Variants in MAPK8IP3 observed in about 807,000 individuals in gnomAD.
MAPK8IP3 encodes mitogen-activated protein kinase 8 interacting protein 3, also known as C-Jun-amino-terminal kinase-interacting protein 3.
In MAPK8IP3, 49 loss-of-function variants were observed where a neutral mutation model predicts 157.8. The observed-to-expected ratio is 0.31, with a 90% CI of 0.25 to 0.39. MAPK8IP3 has a LOEUF of 0.39. Among genes scored for constraint, MAPK8IP3 ranks in the 10% least tolerant of loss-of-function variants. MAPK8IP3 has a pLI of 1.00. For missense variants in MAPK8IP3, 1,478 were observed against 1,889.4 expected (o/e 0.78, Z 4.04); for synonymous variants, 897 against 777.7 (o/e 1.15, Z -2.55).
At chr16:1,744,608 G>A (rs1428034296) in intron 5 of MAPK8IP3, 2 of 985,456 alleles carry the variant, frequency 2.0e-6, no homozygotes, top group East Asian at 1.1e-4. Context: ...TCTGGCTCAC[G>A]CTTCCCGGGC....
chr16:1,712,484 C>T (rs2037855296), intron 1 of MAPK8IP3, among the ~76,000 whole-genome samples: 1 of 151,954 alleles, frequency 6.6e-6, no homozygotes, highest in Non-Finnish European at 1.5e-5. Flanking sequence ...CCAGAGAACC[C>T]TCACAAAGCA....
chr16:1,754,473 T>C (rs971110498), intron 8 of MAPK8IP3, among the ~76,000 whole-genome samples: 1 of 151,916 alleles, frequency 6.6e-6, no homozygotes, highest in African/African-American at 2.4e-5. Context: ...TAGCCAGATG[T>C]AGAAACTGTC....
At chr16:1,732,940 G>T (rs1454596184) in intron 4 of MAPK8IP3, among the ~76,000 whole-genome samples, 2 of 152,254 alleles carry the variant, frequency 1.3e-5, no homozygotes, top group Non-Finnish European at 2.9e-5. Flanking sequence ...TGAAAGCCTT[G>T]CAGGTGTTTC....
chr16:1,709,738 G>T (rs937119218), intron 1 of MAPK8IP3, among the ~76,000 whole-genome samples: 1 of 152,240 alleles, frequency 6.6e-6, no homozygotes, highest in Admixed American at 6.5e-5. Context: ...GAGGAGGGCC[G>T]GGCAGAGCCA....
Position 1,738,283 on chromosome 16 carries a change from ACCAT to A in MAPK8IP3, c.603-5044_603-5041del, listed in dbSNP as rs1312240767. On this transcript the variant is annotated intron_variant, in intron 4 of 31. Transcript: ENST00000610761. ...GCGTGTGACCGTCCGTGTGAGTGTG[ACCAT>A]CCATGTGAGCATCTGTGTGACCGTC... 8.7e-4 allele frequency among the ~76,000 whole-genome samples: 64 copies of A among 73,956 alleles called. 4 individuals carry two copies. Among genetic ancestry groups the A allele is most frequent in the South Asian group, 8.6e-4 (1 of 1,164 alleles). 48.5% of individuals were successfully genotyped at this position (73,956 alleles called of 152,430 possible). A position where few individuals can be genotyped will look rare whatever the true frequency, so the allele number is the denominator to read the frequency against.
intron 1 of MAPK8IP3, among the ~76,000 whole-genome samples, chr16:1,717,163 G>A (rs1468708770): frequency 2.0e-5 from 3 of 151,052 alleles, no homozygotes; most frequent in African/African-American, 4.9e-5. Context: ...TTGAACCCAG[G>A]AGGCGGAGGT....
At position 1,737,773 on chromosome 16, in the gene MAPK8IP3, TGA is replaced by T. The variant is rs199875037; in HGVS notation, c.603-5557_603-5556del. On this transcript the variant is annotated intron_variant, in intron 4 of 31. Coordinates refer to ENST00000610761, the MANE Select transcript of MAPK8IP3 (RefSeq NM_001318852.2). ...CCATCCGTGTGTGTGACCATCCGTG[TGA>T]GTGACCATCCATGTGAGCATCCATG... 4.1e-3 allele frequency among the ~76,000 whole-genome samples: 53 copies of T among 12,854 alleles called. 14 individuals carry two copies. In the East Asian group the frequency reaches 0.36, roughly 88 times the overall value. The allele number at this position is 12,854 out of a possible 152,430, so 8.4% of individuals were successfully genotyped here. A position where few individuals can be genotyped will look rare whatever the true frequency, so the allele number is the denominator to read the frequency against.
rs541676720 is a variant in MAPK8IP3, at chr16:1,765,409, C to T, written c.2446+231C>T. Among the ~76,000 whole-genome samples the T allele has an allele frequency of 3.3e-5, 5 of 152,344 alleles. No homozygotes were observed. The South Asian group carries it at 8.3e-4, about 25-fold the overall frequency. Reference sequence around the variant, plus strand: ...TTCTCCCTACCTACTCAGGACCCCACGCTTACCTGGTTAGAGGGTGACGGG... The same window carrying T: ...TTCTCCCTACCTACTCAGGACCCCATGCTTACCTGGTTAGAGGGTGACGGG... On this transcript the variant is annotated intron_variant, in intron 20 of 31. Transcript: ENST00000610761.
intron 20 of MAPK8IP3, among the ~76,000 whole-genome samples, chr16:1,765,418 G>A (rs1232915050): frequency 2.0e-5 from 3 of 152,230 alleles, no homozygotes; most frequent in African/African-American, 7.2e-5. Flanking sequence ...ACGCTTACCT[G>A]GTTAGAGGGT....
Position 1,766,259 on chromosome 16 carries a change from C to A in MAPK8IP3, c.2669C>A (p.Ser890Tyr). ...ATCGCCAACGGGAAGGTCAACCCGTCCCAGTCCACAGAGGAGGCCACAGAG... is the reference window on the plus strand; with the variant it reads ...ATCGCCAACGGGAAGGTCAACCCGTACCAGTCCACAGAGGAGGCCACAGAG... ...ATIANGKVNP[S>Y]QSTEEATEAT... Residue 890 changes from serine (S) to tyrosine (Y), a missense_variant, in exon 22 of 32, where the codon TCC becomes TAC. Transcript: ENST00000610761. 6.2e-7 allele frequency: 1 copy of A among 1,612,330 alleles called. No individual in the cohort carries two copies. Among genetic ancestry groups the A allele is most frequent in the Non-Finnish European group, 8.5e-7 (1 of 1,179,760 alleles).
At chr16:1,734,358 C>T (rs898652669) in intron 4 of MAPK8IP3, among the ~76,000 whole-genome samples, 2 of 152,240 alleles carry the variant, frequency 1.3e-5, no homozygotes, top group African/African-American at 4.8e-5. Context: ...GCATCACCAG[C>T]GCACGGAATC....
chr16:1,759,402 G>A (rs1375960536), intron 10 of MAPK8IP3, among the ~76,000 whole-genome samples: 2 of 152,204 alleles, frequency 1.3e-5, no homozygotes, highest in African/African-American at 4.8e-5. Context: ...GCAGGACCTT[G>A]GAGTTTCTTT....
chr16:1,756,942 C>T (rs1246890063), intron 8 of MAPK8IP3, among the ~76,000 whole-genome samples: 5 of 152,106 alleles, frequency 3.3e-5, no homozygotes, highest in African/African-American at 1.2e-4. Flanking sequence ...TTCTTTGAAA[C>T]CTGTTGCTTA....
In MAPK8IP3 at chr16:1,743,341, G is replaced by A; in HGVS notation, c.612G>A (p.Glu204=). 1 of 1,559,260 alleles carries A rather than the reference G, an allele frequency of 6.4e-7. No individual in the cohort carries two copies. Among genetic ancestry groups the A allele is most frequent in the Non-Finnish European group, 8.6e-7 (1 of 1,158,308 alleles). ...TCGCCCCCCATTTCAGCAGGAAGGAGCGCCCCACCTCCCTGAACGTGTTCC... is the reference window on the plus strand; with the variant it reads ...TCGCCCCCCATTTCAGCAGGAAGGAACGCCCCACCTCCCTGAACGTGTTCC... ...ESSLPGRSRK[E]RPTSLNVFPL... The change falls in exon 5 of 32, where the codon GAG becomes GAA. Residue 204 remains glutamate (E), a synonymous_variant. Transcript: ENST00000610761. This position sits in a 1 kb window ranked among gnomAD's most constrained non-coding sequence, Gnocchi z 5.6.
intron 12 of MAPK8IP3, among the ~76,000 whole-genome samples, 184 bp from the exon 13 acceptor site, chr16:1,761,040 C>G (rs963934588): frequency 3.9e-5 from 6 of 152,214 alleles, no homozygotes; most frequent in African/African-American, 9.6e-5. Flanking sequence ...GCCACCTGTC[C>G]CCAGGGAACT....
Position 1,764,373 on chromosome 16 carries a change from C to G in MAPK8IP3, c.2194C>G (p.Pro732Ala). The G allele has an allele frequency of 6.3e-7, 1 of 1,589,730 alleles. No homozygotes were observed. Among genetic ancestry groups the G allele is most frequent in the South Asian group, 1.1e-5 (1 of 88,058 alleles). The change falls in exon 19 of 32, where the codon CCA (proline) becomes GCA (alanine). Residue 732 changes from proline (P) to alanine (A), a missense_variant. Pro to Ala is a conservative substitution (Grantham distance 27). Coordinates refer to ENST00000610761, the MANE Select transcript of MAPK8IP3 (RefSeq NM_001318852.2). ...NEDDAGNGVK[P>A]APGRDPLTCD... The stretch of plus-strand genomic sequence containing the variant: ...GGACGACGCTGGGAATGGAGTCAAG[C>G]CAGCGCCAGGCCGCGATCCCCTGAC...
At chr16:1,738,203 C>T (rs1238286874) in intron 4 of MAPK8IP3, among the ~76,000 whole-genome samples, 1 of 71,864 alleles carries the variant, frequency 1.4e-5, no homozygotes, top group Non-Finnish European at 2.5e-5. Context: ...TGTGACCGTC[C>T]GTGTGTGTGA....
rs201000666 is a variant in MAPK8IP3, at chr16:1,765,928, C to T, written c.2447-32C>T. The T allele has an allele frequency of 2.6e-4, 407 of 1,582,900 alleles. 1 individual carries two copies. In the African/African-American group the frequency reaches 4.7e-3, roughly 18 times the overall value. On this transcript the variant is annotated intron_variant, in intron 20 of 31. Coordinates refer to ENST00000610761, the MANE Select transcript of MAPK8IP3 (RefSeq NM_001318852.2). The stretch of plus-strand genomic sequence containing the variant: ...ACGCCCTTGCAGTAGTGGGTTCCCC[C>T]GCACAGGCTGACGGGCCGTCCCTCT...
chr16:1,740,185 CGT>C lies in MAPK8IP3; in HGVS notation c.603-3143_603-3142del, dbSNP rs534844629. On this transcript the variant is annotated intron_variant, in intron 4 of 31. Coordinates refer to ENST00000610761, the MANE Select transcript of MAPK8IP3 (RefSeq NM_001318852.2). ...CCGTGTGAGCATCTGTGTGACCGTT[CGT>C]GTGAGTGTGTGACCGTCCGTGTGAG... is the stretch of plus-strand genomic sequence containing the variant. Among the ~76,000 whole-genome samples the C allele has an allele frequency of 1.6e-3, 172 of 110,550 alleles. 2 individuals are homozygous for C. The highest frequency in any genetic ancestry group is 7.9e-4 in the Non-Finnish European group (44 of 55,720). 72.5% of individuals were successfully genotyped at this position (110,550 alleles called of 152,430 possible).
Sources: gnomAD v4.1 joint callset for allele counts (sites outside exome capture counted in the v4.1 genomes callset) on GRCh38, gnomAD v4.1.1 for gene constraint, Gnocchi (gnomAD v3.1) non-coding constraint, MANE v1.5 for transcripts, NCBI Gene and HGNC (gene_info 2026-07-23, HGNC 2026-07-21) for gene names.